Variants in LRRC7 observed in about 807,000 individuals in gnomAD.
LRRC7 encodes leucine rich repeat containing 7, also known as leucine-rich repeat-containing protein 7.
Under a neutral mutation model 175.7 loss-of-function variants are expected in LRRC7, and 23 were observed. That is an observed-to-expected ratio of 0.13 (90% CI 0.09 to 0.19). LRRC7 has a LOEUF of 0.19. Among genes scored for constraint, LRRC7 ranks in the 10% least tolerant of loss-of-function variants. LRRC7 has a pLI of 1.00. For synonymous variants in LRRC7, 685 were observed against 680.9 expected (o/e 1.01, Z -0.09); for missense variants, 1,354 against 1,904.7 (o/e 0.71, Z 5.38).
chr1:69,619,708 T>G (rs1386691240), intron 1 of LRRC7, among the ~76,000 whole-genome samples: 1 of 152,152 alleles, frequency 6.6e-6, no homozygotes, highest in Non-Finnish European at 1.5e-5. Flanking sequence ...AAATTGGAAT[T>G]TTGGAAAACT....
At chr1:69,928,286 C>T (rs187698940) in intron 7 of LRRC7, among the ~76,000 whole-genome samples, 120 of 152,268 alleles carry the variant, frequency 7.9e-4, no homozygotes, top group African/African-American at 2.5e-3. Flanking sequence ...GCAGTCTGCC[C>T]GTTCTCAGAT....
chr1:70,013,115 C>T, intron 13 of LRRC7, 26 bp downstream of exon 13: 1 of 1,349,556 alleles, frequency 7.4e-7, no homozygotes. Context: ...TTCACAATCA[C>T]ATATTAGTTA....
At chr1:69,648,945 T>C (rs1436149437) in intron 1 of LRRC7, among the ~76,000 whole-genome samples, 5 of 152,244 alleles carry the variant, frequency 3.3e-5, no homozygotes, top group African/African-American at 1.2e-4. Flanking sequence ...TTTTTATGGA[T>C]TCTAGAAAGC....
At chr1:69,711,660 CAA>C (rs1664761958) in intron 2 of LRRC7, among the ~76,000 whole-genome samples, 1 of 152,146 alleles carries the variant, frequency 6.6e-6, no homozygotes, top group African/African-American at 2.4e-5. Flanking sequence ...GCTTGGCATT[CAA>C]ATCTGGCCTA....
At chr1:69,754,136 G>T (rs985546174) in intron 2 of LRRC7, among the ~76,000 whole-genome samples, 4 of 152,048 alleles carry the variant, frequency 2.6e-5, no homozygotes, top group Non-Finnish European at 5.9e-5. Flanking sequence ...TATCGTACTT[G>T]GTAGGTCATA....
chr1:69,970,053 G>C (rs1652072566), intron 8 of LRRC7, among the ~76,000 whole-genome samples: 1 of 152,068 alleles, frequency 6.6e-6, no homozygotes, highest in Non-Finnish European at 1.5e-5. Context: ...ACAAAATCAA[G>C]ATGGAAATTT....
At chr1:70,106,035 AG>A (rs1665123311) in intron 25 of LRRC7, among the ~76,000 whole-genome samples, 1 of 152,188 alleles carries the variant, frequency 6.6e-6, no homozygotes, top group South Asian at 2.1e-4. Context: ...TATGAGCTTA[AG>A]TGAGTCATTA....
At chr1:70,010,426 C>T (rs1227163878) in intron 11 of LRRC7, among the ~76,000 whole-genome samples, 2 of 151,918 alleles carry the variant, frequency 1.3e-5, no homozygotes, top group African/African-American at 2.4e-5. Context: ...ATTAGCTGGG[C>T]GTGGTGGCAG....
intron 2 of LRRC7, among the ~76,000 whole-genome samples, chr1:69,722,361 C>T (rs1666456525): frequency 6.6e-6 from 1 of 151,974 alleles, no homozygotes; most frequent in Non-Finnish European, 1.5e-5. Context: ...TCTAAATGAG[C>T]ATATGCAAGA....
chr1:69,843,950 G>T (rs1682032310), intron 7 of LRRC7, among the ~76,000 whole-genome samples: 1 of 152,038 alleles, frequency 6.6e-6, no homozygotes, highest in Admixed American at 6.6e-5. Context: ...AGATTAGATG[G>T]TAGTAATATA....
chr1:69,919,937 G>C (rs940124706), intron 7 of LRRC7: 6 of 629,440 alleles, frequency 9.5e-6, no homozygotes, highest in African/African-American at 7.3e-5. Context: ...AGTATTTATT[G>C]TTACCAAAAT....
At chr1:69,939,043 A>ATATATC (rs1557911228) in intron 8 of LRRC7, among the ~76,000 whole-genome samples, 11 of 64,888 alleles carry the variant, frequency 1.7e-4, no homozygotes, top group African/African-American at 4.0e-4. Flanking sequence ...ATATATATCT[A>ATATATC]TATCTATCTC....
rs773827039 is a variant in LRRC7, at chr1:70,038,297, G to A, written c.2473G>A (p.Glu825Lys). Residue 825 changes from glutamate (E) to lysine (K), a missense_variant, in exon 21 of 27, where the codon GAG (glutamate) becomes AAG (lysine). Around this residue, in one of 4 missense-constraint regions of LRRC7, gnomAD observed 1,032 missense variants for 1,227.2 expected, o/e 0.84. Coordinates refer to ENST00000651989, the MANE Select transcript of LRRC7 (RefSeq NM_001370785.2). ...GTTTGTTGCTGAGGAAACCACAGCC[G>A]AGAATGCCAACAGTAATCCTCTCTT... ...TGFVAEETTAENANSNPLLSS... is the reference protein window; with the variant it reads ...TGFVAEETTAKNANSNPLLSS... The A allele has an allele frequency of 2.9e-5, 46 of 1,613,984 alleles. 1 individual carries two copies. The East Asian group carries it at 6.5e-4, about 23-fold the overall frequency.
intron 2 of LRRC7, among the ~76,000 whole-genome samples, chr1:69,749,319 T>C (rs1328800376): frequency 6.6e-6 from 1 of 152,142 alleles, no homozygotes; most frequent in Non-Finnish European, 1.5e-5. Flanking sequence ...AATCCATAAG[T>C]TGATGTTCTT....
intron 7 of LRRC7, among the ~76,000 whole-genome samples, chr1:69,908,304 G>T (rs1646394983): frequency 6.6e-6 from 1 of 152,088 alleles, no homozygotes; most frequent in African/African-American, 2.4e-5. Context: ...CCTTCTGCTA[G>T]CTTTTGAATG....
chr1:69,906,850 C>T (rs2101686048), intron 7 of LRRC7, among the ~76,000 whole-genome samples: 1 of 152,256 alleles, frequency 6.6e-6, no homozygotes, highest in South Asian at 2.1e-4. Context: ...TTACCTTGCG[C>T]AATATGGCCA....
At chr1:69,938,995 T>TTTTATATATATATATATATA in intron 8 of LRRC7, among the ~76,000 whole-genome samples, 1 of 97,584 alleles carries the variant, frequency 1.0e-5, no homozygotes, top group African/African-American at 3.9e-5. Context: ...AGGCTGTAGA[T>TTTTATATATATATATATATA]TATATATATA....
intron 3 of LRRC7, among the ~76,000 whole-genome samples, chr1:69,761,392 AATT>A (rs1339743129): frequency 6.6e-6 from 1 of 152,038 alleles, no homozygotes; most frequent in Non-Finnish European, 1.5e-5. Flanking sequence ...AATTATGAAT[AATT>A]ATTTTTATTT....
intron 7 of LRRC7, chr1:69,919,836 A>G (rs879846235): frequency 1.1e-5 from 8 of 719,646 alleles, no homozygotes; most frequent in South Asian, 3.5e-5. Context: ...GTCCGCACGG[A>G]GTGAGGATTG....
Sources: allele counts gnomAD v4.1 joint callset (sites outside exome capture counted in the v4.1 genomes callset), GRCh38; gene constraint gnomAD v4.1.1; regional missense constraint gnomAD v4.1.1; transcripts MANE v1.5; gene names NCBI Gene and HGNC (gene_info 2026-07-23, HGNC 2026-07-21).